ADGRA1: variants seen among roughly 807,000 people sequenced by gnomAD.
ADGRA1 encodes G-protein coupled receptor 123.
In ADGRA1, 12 loss-of-function variants were observed where a neutral mutation model predicts 21.3. The ratio of observed to expected loss-of-function variants is 0.56; its 90% confidence interval spans 0.36 to 0.91. The LOEUF (loss-of-function observed/expected upper bound fraction) is 0.91. ADGRA1 is among the 40% of genes least tolerant of loss of function. The probability of loss-of-function intolerance (pLI) is 0.01; values close to 1 mark genes in which losing one functional copy is unlikely to be tolerated. For missense variants in ADGRA1, 790 were observed against 805.6 expected, an observed-to-expected ratio of 0.98 and a Z score of 0.23; for synonymous variants, 385 against 368.8, an observed-to-expected ratio of 1.04 and a Z score of -0.50.
chr10:133,127,662 G>A (rs1852402482), intron 6 of ADGRA1, among the ~76,000 whole-genome samples: 1 of 152,078 alleles, frequency 6.6e-6, no homozygotes, highest in Non-Finnish European at 1.5e-5. Context: ...AGGAACGGCG[G>A]TCCAGCCATC....
intron 3 of ADGRA1, 124 bp downstream of exon 3, chr10:133,097,225 C>A: frequency 1.7e-6 from 2 of 1,193,162 alleles, no homozygotes; most frequent in South Asian, 1.4e-5. Flanking sequence ...GAAGGTACAA[C>A]TCAGGTCACC....
In ADGRA1 at chr10:133,129,206, C is replaced by A; in HGVS notation, c.1378C>A (p.Leu460Met). The A allele has an allele frequency of 6.5e-7, 1 of 1,550,174 alleles. No homozygotes were observed. The highest frequency in any genetic ancestry group is 8.7e-7 in the Non-Finnish European group (1 of 1,146,970). ...SSRTDSPPSSLDGPAGTHTLA... is the reference protein window; with the variant it reads ...SSRTDSPPSSMDGPAGTHTLA... ...GCGCACAGACAGCCCCCCCAGCTCT[C>A]TGGATGGCCCGGCGGGGACACACAC... The change falls in exon 7 of 7, where the codon CTG becomes ATG. Residue 460 changes from leucine (L) to methionine (M), a missense_variant. Coordinates refer to ENST00000392607, the MANE Select transcript of ADGRA1 (RefSeq NM_001083909.3).
intron 5 of ADGRA1, among the ~76,000 whole-genome samples, chr10:133,124,495 C>T (rs1011374290): frequency 1.3e-5 from 2 of 152,258 alleles, no homozygotes; most frequent in Admixed American, 1.3e-4. Context: ...GATGTCCCAG[C>T]GAGTGGCCCT....
intron 5 of ADGRA1, among the ~76,000 whole-genome samples, chr10:133,111,171 C>CCCCCGGGAACCACCCCTCCTAAT (rs1564848854): frequency 1.5e-5 from 2 of 137,498 alleles, no homozygotes; most frequent in Non-Finnish European, 3.0e-5. Context: ...ACCACCTGCC[C>CCCCCGGGAACCACCCCTCCTAAT]GCCGTGAGCA....
chr10:133,099,322 G>A (rs1182240381), intron 4 of ADGRA1, among the ~76,000 whole-genome samples: 2 of 152,172 alleles, frequency 1.3e-5, no homozygotes, highest in African/African-American at 4.8e-5. Flanking sequence ...GGGGCAGCTC[G>A]AGGAGGGGCA....
chr10:133,105,095 C>G (rs1472134486), intron 5 of ADGRA1, among the ~76,000 whole-genome samples: 1 of 152,258 alleles, frequency 6.6e-6, no homozygotes, highest in African/African-American at 2.4e-5. Context: ...ATGGCCCACA[C>G]GTTATCCACG....
At chr10:133,121,316 GC>G (rs1852248839) in intron 5 of ADGRA1, among the ~76,000 whole-genome samples, 1 of 152,248 alleles carries the variant, frequency 6.6e-6, no homozygotes, top group Non-Finnish European at 1.5e-5. Context: ...GACCTGCAAA[GC>G]CCAGGTGCAC....
At position 133,129,371 on chromosome 10, in the gene ADGRA1, C is replaced by T. The variant is rs372629527; in HGVS notation, c.1543C>T (p.Arg515Trp). The T allele has an allele frequency of 7.2e-5, 115 of 1,600,712 alleles. No homozygotes were observed. The highest frequency in any genetic ancestry group is 1.7e-4 in the Middle Eastern group (1 of 6,050). ...ALGPGHLEML[R>W]RTQSLPFGGP... is the part of the protein sequence containing the mutation. ...CGGGCCCGGCCACTTGGAGATGCTGCGGAGGACACAGTCCCTGCCCTTTGG... is the reference window on the plus strand; with the variant it reads ...CGGGCCCGGCCACTTGGAGATGCTGTGGAGGACACAGTCCCTGCCCTTTGG... Residue 515 changes from arginine (R) to tryptophan (W), a missense_variant, in exon 7 of 7, where the codon CGG becomes TGG. Arg to Trp is a moderately radical substitution (Grantham distance 101, BLOSUM62 -3). Coordinates refer to ENST00000392607, the MANE Select transcript of ADGRA1 (RefSeq NM_001083909.3).
At chr10:133,110,893 G>A (rs1285546439) in intron 5 of ADGRA1, among the ~76,000 whole-genome samples, 1 of 152,132 alleles carries the variant, frequency 6.6e-6, no homozygotes, top group East Asian at 1.9e-4. Flanking sequence ...ATGGGGCCCT[G>A]GACACAGGTG....
intron 6 of ADGRA1, 122 bp downstream of exon 6, chr10:133,127,453 G>A: frequency 2.7e-6 from 2 of 741,774 alleles, no homozygotes; most frequent in Non-Finnish European, 4.4e-6. Context: ...GCCTGGACCT[G>A]GGGCTTGCCG....
At chr10:133,097,626 C>T (rs1851710503) in intron 3 of ADGRA1, among the ~76,000 whole-genome samples, 1 of 152,336 alleles carries the variant, frequency 6.6e-6, no homozygotes, top group East Asian at 1.9e-4. Flanking sequence ...GAGACTCGGG[C>T]ACACACGAGG....
rs1852520600 is a variant in ADGRA1 at position 133,131,260 on chromosome 10, T to C, written c.*1749T>C. On this transcript the variant is annotated 3_prime_UTR_variant, in exon 7 of 7. Transcript: ENST00000392607. ...TGCTCCTCCCAGCAAACCCCGTGTG[T>C]CCTTACAGGTCGACCAGACGGGCCG... 6.6e-6 allele frequency: 1 copy of C among 152,204 alleles called. No individual in the cohort carries two copies. The highest frequency in any genetic ancestry group is 6.5e-5 in the Admixed American group (1 of 15,284). 9.4% of individuals were successfully genotyped at this position (152,204 alleles called of 1,614,324 possible). A position where few individuals can be genotyped will look rare whatever the true frequency, so the allele number is the denominator to read the frequency against.
At chr10:133,109,428 C>T (rs1262230105) in intron 5 of ADGRA1, among the ~76,000 whole-genome samples, 2 of 152,124 alleles carry the variant, frequency 1.3e-5, no homozygotes, top group African/African-American at 4.8e-5. Flanking sequence ...CTGCTTGCCC[C>T]CACGACCACT....
chr10:133,128,656 G>C lies in ADGRA1; in HGVS notation c.828G>C (p.Ala276=). ...FTATWAFGAL[A]VSQGHFLDMV... ...CCACGTGGGCCTTCGGGGCGCTGGC[G>C]GTGTCACAGGGCCACTTCCTGGACA... The change falls in exon 7 of 7, where the codon GCG becomes GCC. Residue 276 remains alanine, a synonymous_variant. Transcript: ENST00000392607. The C allele has an allele frequency of 6.2e-7, 1 of 1,609,460 alleles. No homozygotes were observed. Among genetic ancestry groups the C allele is most frequent in the Non-Finnish European group, 8.5e-7 (1 of 1,179,022 alleles).
chr10:133,113,179 ATTTGAGGTCTGTAAGCCG>A (rs1852093943), intron 5 of ADGRA1, among the ~76,000 whole-genome samples: 5 of 146,656 alleles, frequency 3.4e-5, no homozygotes, highest in Admixed American at 2.1e-4. Flanking sequence ...CGCGTCGGTT[ATTTGAGGTCTGTAAGCCG>A]CGTCGGTTAT....
intron 5 of ADGRA1, among the ~76,000 whole-genome samples, chr10:133,111,298 C>A (rs60987118): frequency 1.7e-3 from 33 of 19,380 alleles, no homozygotes; most frequent in Non-Finnish European, 2.4e-3. Flanking sequence ...CAACCTGCCC[C>A]CCCGGGAACC....
intron 5 of ADGRA1, among the ~76,000 whole-genome samples, chr10:133,103,874 G>A (rs1296398087): frequency 6.6e-6 from 1 of 152,236 alleles, no homozygotes; most frequent in Non-Finnish European, 1.5e-5. Context: ...GAGGCCTTGG[G>A]TGCCTACCTG....
At chr10:133,114,478 G>C (rs1852118892) in intron 5 of ADGRA1, among the ~76,000 whole-genome samples, 1 of 152,144 alleles carries the variant, frequency 6.6e-6, no homozygotes, top group South Asian at 2.1e-4. Flanking sequence ...GGTACAGCTG[G>C]TGCCCAGGAC....
intron 5 of ADGRA1, among the ~76,000 whole-genome samples, chr10:133,106,969 G>A (rs1018443674): frequency 5.3e-5 from 8 of 152,362 alleles, no homozygotes; most frequent in Admixed American, 6.5e-5. Context: ...CTTCCAATTC[G>A]TGAGCACAGG....
Sources: allele counts gnomAD v4.1 joint callset (sites outside exome capture counted in the v4.1 genomes callset), GRCh38; gene constraint gnomAD v4.1.1; transcripts MANE v1.5; gene names NCBI Gene and HGNC (gene_info 2026-07-23, HGNC 2026-07-21).